The following PUDP variants were observed in gnomAD, a reference collection of about 807,000 sequenced individuals.
The protein encoded by PUDP is pseudouridine 5'-phosphatase.
A neutral mutation model predicts 9.4 loss-of-function variants in PUDP; 8 were observed. That is an observed-to-expected ratio of 0.85 (90% confidence interval 0.50 to 1.53). The LOEUF is 1.53. Ranked by LOEUF, PUDP falls within the 40% of genes most tolerant of loss-of-function variation. PUDP has a pLI of 0.00. For synonymous variants in PUDP, 99 were observed against 80.7 expected (o/e 1.23, Z -1.22); for missense variants, 188 against 189.7 (o/e 0.99, Z 0.05).
At chrX:6,720,940 A>G (rs5989488) in intron 1 of PUDP, among the ~76,000 whole-genome samples, 53,616 of 110,140 alleles carry the variant, frequency 0.49, 10,252 homozygotes, top group African/African-American at 0.69. Context: ...GAAGAAAAAC[A>G]TGCTGGGGAA....
At chrX:6,718,065 A>G (rs1296163907) in intron 1 of PUDP, among the ~76,000 whole-genome samples, 1 of 108,477 alleles carries the variant, frequency 9.2e-6, no homozygotes, top group Non-Finnish European at 1.9e-5. Flanking sequence ...TTGTTGAGTT[A>G]TTTGAGTTTC....
intron 3 of PUDP, among the ~76,000 whole-genome samples, chrX:6,775,889 T>C (rs1925450111): frequency 1.8e-5 from 2 of 111,460 alleles, no homozygotes; most frequent in African/African-American, 6.5e-5. Context: ...TCTTTGAGCC[T>C]CCAGAACTGT....
rs1374940212 is a variant in PUDP, at chrX:6,731,027, T to C, written c.*248-24561A>G. ...GGCTTACTCAACTGTAGAACATCTA[T>C]AGTCCAAACCCTTGCCAAGGGATGT... On this transcript the variant is annotated intron_variant and NMD_transcript_variant, in intron 3 of 3. Transcript: ENST00000655425. Among the ~76,000 whole-genome samples the C allele has an allele frequency of 2.7e-5, 3 of 110,218 alleles. No individual in the cohort carries two copies. The Admixed American group carries it at 2.9e-4, about 11-fold the overall frequency.
intron 1 of PUDP, among the ~76,000 whole-genome samples, chrX:6,719,404 T>C (rs1924635855): frequency 8.9e-6 from 1 of 111,979 alleles, no homozygotes; most frequent in Non-Finnish European, 1.9e-5. Flanking sequence ...CTTCAACATA[T>C]GAATTTTGGG....
In PUDP at chrX:6,935,075, G is replaced by A. The variant is rs1463251493; in HGVS notation, c.*247+42058C>T. ...CACTGTCAACATTAGACAAATCAAC[G>A]AGACAGAAAGTCAACAAGGATACCC... is the stretch of plus-strand genomic sequence containing the variant. On this transcript the variant is annotated intron_variant and NMD_transcript_variant, in intron 3 of 3. Coordinates refer to the PUDP transcript ENST00000655425. Among the ~76,000 whole-genome samples, 140 of 90,560 alleles carry A rather than the reference G, an allele frequency of 1.5e-3. 1 individual carries two copies. The highest frequency in any genetic ancestry group is 7.8e-4 in the Non-Finnish European group (36 of 46,151). 78.6% of individuals were successfully genotyped at this position (90,560 alleles called of 115,157 possible). A position where few individuals can be genotyped will look rare whatever the true frequency, so the allele number is the denominator to read the frequency against.
intron 3 of PUDP, among the ~76,000 whole-genome samples, chrX:6,732,022 A>T (rs1429277129): frequency 8.9e-6 from 1 of 112,140 alleles, no homozygotes; most frequent in Admixed American, 9.5e-5. Context: ...GAGATACACA[A>T]CTAATTGTCA....
chrX:6,715,361 T>C (rs759542136), intron 1 of PUDP, among the ~76,000 whole-genome samples: 1 of 111,226 alleles, frequency 9.0e-6, no homozygotes, highest in Non-Finnish European at 1.9e-5. Flanking sequence ...TCTAATAAAA[T>C]TGTGCACCTG....
At chrX:7,057,815 G>T in intron 3 of PUDP, 2 of 1,145,717 alleles carry the variant, frequency 1.7e-6, no homozygotes, top group Non-Finnish European at 2.3e-6. Flanking sequence ...GAGGTCTATG[G>T]ATGGAGCTCT....
intron 3 of PUDP, among the ~76,000 whole-genome samples, chrX:6,967,007 T>A (rs1374507888): frequency 9.0e-6 from 1 of 111,508 alleles, no homozygotes; most frequent in African/African-American, 3.3e-5. Flanking sequence ...CACTGCCTTC[T>A]CTCTGGACTG....
At chrX:6,879,057 T>C (rs1254629324) in intron 3 of PUDP, among the ~76,000 whole-genome samples, 1 of 111,730 alleles carries the variant, frequency 9.0e-6, no homozygotes, top group East Asian at 2.8e-4. Flanking sequence ...AAAGTGTCTA[T>C]TGAATAGCCT....
chrX:7,018,846 C>A (rs1268667830), intron 1 of PUDP, among the ~76,000 whole-genome samples: 1 of 111,535 alleles, frequency 9.0e-6, no homozygotes, highest in African/African-American at 3.3e-5. Context: ...TGTTCCTAGC[C>A]TCTAGATGTT....
intron 3 of PUDP, among the ~76,000 whole-genome samples, chrX:6,800,375 G>T (rs1925912216): frequency 9.0e-6 from 1 of 111,683 alleles, no homozygotes; most frequent in African/African-American, 3.3e-5. Context: ...CATTAGATGA[G>T]AAAATGAAAG....
intron 3 of PUDP, among the ~76,000 whole-genome samples, chrX:6,762,928 A>G (rs1925244013): frequency 8.9e-6 from 1 of 111,921 alleles, no homozygotes; most frequent in Non-Finnish European, 1.9e-5. Context: ...TTTTTCATTC[A>G]ATATTATATT....
chrX:6,914,145 T>C (rs7061905), intron 3 of PUDP, among the ~76,000 whole-genome samples: 1,767 of 84,050 alleles, frequency 0.021, 52 homozygotes, highest in African/African-American at 0.083. Flanking sequence ...CCAGCCTGGG[T>C]GACAGAGAGA....
chrX:7,090,231 T>C (rs950415678), intron 2 of PUDP, among the ~76,000 whole-genome samples: 2 of 111,059 alleles, frequency 1.8e-5, no homozygotes, highest in Non-Finnish European at 3.8e-5. Context: ...ATATACTATA[T>C]AATAACTCAT....
At chrX:6,717,571 A>T (rs957582514) in intron 1 of PUDP, among the ~76,000 whole-genome samples, 4 of 111,984 alleles carry the variant, frequency 3.6e-5, no homozygotes, top group Non-Finnish European at 7.5e-5. Context: ...TTGTGCTCAC[A>T]GCCTACATAA....
At chrX:6,945,768 C>G (rs779839451) in intron 3 of PUDP, among the ~76,000 whole-genome samples, 1 of 110,828 alleles carries the variant, frequency 9.0e-6, no homozygotes, top group Non-Finnish European at 1.9e-5. Context: ...CACTTGGACT[C>G]GGAAACTCAA....
upstream of PUDP, among the ~76,000 whole-genome samples, chrX:6,724,385 G>A (rs1365358039): frequency 9.3e-6 from 1 of 108,074 alleles, no homozygotes; most frequent in African/African-American, 3.4e-5. Flanking sequence ...AATTGCTGCT[G>A]TTTGCAACTG....
At chrX:6,756,528 A>C (rs1925170816) in intron 3 of PUDP, among the ~76,000 whole-genome samples, 1 of 112,269 alleles carries the variant, frequency 8.9e-6, no homozygotes, top group African/African-American at 3.2e-5. Context: ...TTGTGAACAA[A>C]AGCCACTGAA....
Sources: allele counts gnomAD v4.1 joint callset (sites outside exome capture counted in the v4.1 genomes callset), GRCh38; gene constraint gnomAD v4.1.1; transcripts MANE v1.5; gene names NCBI Gene and HGNC (gene_info 2026-07-23, HGNC 2026-07-21).